Variants in MYO3B observed in about 807,000 individuals in gnomAD.
The protein encoded by MYO3B is myosin-IIIb.
Under a neutral mutation model 174.6 loss-of-function variants are expected in MYO3B, and 156 were observed. The ratio of observed to expected loss-of-function variants is 0.89; its 90% CI spans 0.78 to 1.02. The LOEUF is 1.02. Ranked by LOEUF, MYO3B falls within the 50% of genes least tolerant of loss-of-function variation. The pLI is 0.00. For synonymous variants in MYO3B, 563 were observed against 569.1 expected (o/e 0.99, Z 0.15); for missense variants, 1,632 against 1,639.4 (o/e 1.00, Z 0.08).
chr2:170,455,230 T>C lies in MYO3B; in HGVS notation c.2731-8138T>C, dbSNP rs1003271268. Among the ~76,000 whole-genome samples, 6 of 152,252 alleles carry C rather than the reference T, an allele frequency of 3.9e-5. No homozygotes were observed. In the South Asian group the frequency reaches 1.2e-3, roughly 31 times the overall value. ...AAGGGGGTTTGTTTTGGGAAAGGGC[T>C]GTTATTGTCTTTGTTTCAAAGCAAA... On this transcript the variant is annotated intron_variant, in intron 23 of 34. Coordinates refer to ENST00000408978, the MANE Select transcript of MYO3B (RefSeq NM_138995.5).
chr2:170,629,637 C>G (rs1041513253), intron 32 of MYO3B, among the ~76,000 whole-genome samples: 6 of 152,050 alleles, frequency 3.9e-5, no homozygotes, highest in African/African-American at 1.4e-4. Context: ...ATTGCCTGAG[C>G]TTAGGAGTTC....
Position 170,498,591 on chromosome 2 carries a change from G to A in MYO3B, c.3015-1G>A, listed in dbSNP as rs780145478. ...CTTCACTTAATTCTTTTATTTTGCA[G>A]GTATTATTACTTGGCATTCACAGCA... On this transcript the variant is annotated splice_acceptor_variant, in intron 25 of 34. Transcript: ENST00000408978. LOFTEE classifies it high-confidence loss of function. 1.2e-6 allele frequency: 2 copies of A among 1,606,980 alleles called. No individual in the cohort carries two copies. The highest frequency in any genetic ancestry group is 8.5e-7 in the Non-Finnish European group (1 of 1,173,860).
intron 7 of MYO3B, among the ~76,000 whole-genome samples, chr2:170,275,295 G>A (rs750044644): frequency 6.6e-6 from 1 of 152,176 alleles, no homozygotes; most frequent in East Asian, 1.9e-4. Flanking sequence ...AAATGTATTT[G>A]AGAAATTCTA....
chr2:170,594,389 G>A (rs944289791), intron 32 of MYO3B, among the ~76,000 whole-genome samples: 28 of 152,288 alleles, frequency 1.8e-4, no homozygotes, highest in East Asian at 7.7e-4. Context: ...TAGGCTTGCA[G>A]GGGACAGCAG....
chr2:170,283,240 G>T (rs2093527516), intron 7 of MYO3B, among the ~76,000 whole-genome samples: 1 of 152,134 alleles, frequency 6.6e-6, no homozygotes, highest in Non-Finnish European at 1.5e-5. Flanking sequence ...ACTCTCCTGT[G>T]GCTAGGGTTA....
At chr2:170,516,514 G>A (rs1448964057) in intron 29 of MYO3B, among the ~76,000 whole-genome samples, 9 of 151,882 alleles carry the variant, frequency 5.9e-5, no homozygotes, top group Admixed American at 5.2e-4. Context: ...ATGGCGGCAG[G>A]CACCTGTAGT....
intron 22 of MYO3B, among the ~76,000 whole-genome samples, chr2:170,439,089 T>G (rs79562771): frequency 1.2e-4 from 17 of 146,876 alleles, no homozygotes; most frequent in East Asian, 4.1e-4. Flanking sequence ...TTTTTTTTTT[T>G]GGGCCAGGCA....
At chr2:170,499,539 CTTTATT>C in intron 26 of MYO3B, 101 bp from the exon 27 acceptor site, 1 of 887,976 alleles carries the variant, frequency 1.1e-6, no homozygotes, top group Non-Finnish European at 1.7e-6. Context: ...TCGCTATAAA[CTTTATT>C]TATATCATTG....
In MYO3B at chr2:170,311,087, A is replaced by T. The variant is rs564871356; in HGVS notation, c.750-24298A>T. ...GTGAATAGTGTTACTGTGAACATGC[A>T]TGTGTGTATGCTTGTTTGAATACCT... On this transcript the variant is annotated intron_variant, in intron 7 of 34. Transcript: ENST00000408978. 5.9e-5 allele frequency among the ~76,000 whole-genome samples: 9 copies of T among 152,210 alleles called. No homozygotes were observed. The South Asian group carries it at 1.9e-3, about 32-fold the overall frequency.
chr2:170,626,347 G>C (rs192919440), intron 32 of MYO3B, among the ~76,000 whole-genome samples: 2 of 152,140 alleles, frequency 1.3e-5, no homozygotes, highest in Non-Finnish European at 2.9e-5. Flanking sequence ...TTGGTTTAAA[G>C]TCTGTTTTAT....
intron 7 of MYO3B, among the ~76,000 whole-genome samples, chr2:170,238,941 A>G (rs1346497753): frequency 6.6e-6 from 1 of 152,156 alleles, no homozygotes; most frequent in African/African-American, 2.4e-5. Flanking sequence ...CTGCTTTGAA[A>G]TACTGCGTGA....
intron 7 of MYO3B, among the ~76,000 whole-genome samples, chr2:170,312,069 G>A (rs1401285): frequency 0.69 from 105,447 of 152,072 alleles, 39,518 homozygotes; most frequent in East Asian, 0.92. Context: ...ATTGCTTTTC[G>A]CACGGGGTAA....
intron 7 of MYO3B, among the ~76,000 whole-genome samples, chr2:170,299,705 C>T (rs1338294413): frequency 1.3e-5 from 2 of 152,184 alleles, no homozygotes; most frequent in African/African-American, 4.8e-5. Context: ...AGCAGTCTAG[C>T]TTTCATTATT....
chr2:170,268,761 C>T (rs1278788310), intron 7 of MYO3B, among the ~76,000 whole-genome samples: 1 of 151,700 alleles, frequency 6.6e-6, no homozygotes, highest in African/African-American at 2.4e-5. Context: ...ACACATATAA[C>T]AGATAAAAAT....
chr2:170,474,712 C>T (rs990557494), intron 25 of MYO3B, among the ~76,000 whole-genome samples: 2 of 129,616 alleles, frequency 1.5e-5, no homozygotes, highest in Non-Finnish European at 1.6e-5. Context: ...CATTGCACTC[C>T]AGCCTGGGTG....
At chr2:170,630,810 G>A (rs897030528) in intron 32 of MYO3B, among the ~76,000 whole-genome samples, 1 of 152,184 alleles carries the variant, frequency 6.6e-6, no homozygotes, top group Non-Finnish European at 1.5e-5. Flanking sequence ...CTGCAACTGA[G>A]GGACCTGACT....
intron 25 of MYO3B, among the ~76,000 whole-genome samples, chr2:170,495,576 T>A (rs1338829862): frequency 3.3e-5 from 4 of 120,918 alleles, no homozygotes; most frequent in Non-Finnish European, 6.8e-5. Context: ...AAACTAACAG[T>A]TGCTAAAAAA....
In MYO3B at chr2:170,400,217, T is replaced by C; in HGVS notation, c.1821T>C (p.Ala607=). Residue 607 remains alanine (A), a synonymous_variant, in exon 17 of 35, where the codon GCT becomes GCC. Transcript: ENST00000408978. ...TGCACTCAGTGTACAGAATTTTGGC[T>C]GGGATTTTGAATATTGGGAACATTG... ...KEVHSVYRIL[A]GILNIGNIEF... 4 of 1,614,090 alleles carry C rather than the reference T, an allele frequency of 2.5e-6. No homozygotes were observed. The highest frequency in any genetic ancestry group is 1.7e-6 in the Non-Finnish European group (2 of 1,180,012).
intron 8 of MYO3B, among the ~76,000 whole-genome samples, chr2:170,368,207 T>G (rs2105677823): frequency 6.6e-6 from 1 of 152,380 alleles, no homozygotes; most frequent in Middle Eastern, 3.4e-3. Flanking sequence ...ACGTTGTATG[T>G]TAGATGCTGC....
Sources: gnomAD v4.1 joint callset for allele counts (sites outside exome capture counted in the v4.1 genomes callset) on GRCh38, gnomAD v4.1.1 for gene constraint, MANE v1.5 for transcripts, NCBI Gene and HGNC (gene_info 2026-07-23, HGNC 2026-07-21) for gene names.